Variants in PPP2R2B observed in about 807,000 individuals in gnomAD.
The protein encoded by PPP2R2B is protein phosphatase 2 regulatory subunit Bbeta.
PPP2R2B carries 5 observed loss-of-function variants against 46.0 expected under a neutral mutation model. That is an observed-to-expected ratio of 0.11 (90% CI 0.06 to 0.23). The LOEUF (loss-of-function observed/expected upper bound fraction) is 0.23. Among genes scored for constraint, PPP2R2B ranks in the 10% least tolerant of loss-of-function variants. PPP2R2B has a pLI of 1.00. For missense variants in PPP2R2B, 367 were observed against 575.0 expected, an observed-to-expected ratio of 0.64 and a Z score of 3.70; for synonymous variants, 215 against 206.7, an observed-to-expected ratio of 1.04 and a Z score of -0.34.
chr5:146,935,914 C>T (rs1415703562), intron 1 of PPP2R2B, among the ~76,000 whole-genome samples: 2 of 152,094 alleles, frequency 1.3e-5, no homozygotes, highest in Non-Finnish European at 1.5e-5. Flanking sequence ...GCAAGTTATG[C>T]CACTTCTAAG....
chr5:146,873,673 G>A (rs541615387), intron 2 of PPP2R2B, among the ~76,000 whole-genome samples: 30 of 152,134 alleles, frequency 2.0e-4, no homozygotes, highest in East Asian at 3.9e-4. Flanking sequence ...GTGCGGTGTC[G>A]CGACCTCGGC....
chr5:146,634,018 T>C (rs563124948), intron 7 of PPP2R2B, among the ~76,000 whole-genome samples: 1 of 152,216 alleles, frequency 6.6e-6, no homozygotes, highest in Non-Finnish European at 1.5e-5. Context: ...GTGTGGTTAA[T>C]GTTATGTATT....
chr5:146,703,518 G>A (rs1015959459), intron 2 of PPP2R2B, among the ~76,000 whole-genome samples: 3 of 152,058 alleles, frequency 2.0e-5, no homozygotes, highest in African/African-American at 7.2e-5. Context: ...ACTAAAGATG[G>A]GCCTTTCCTT....
chr5:146,646,950 G>A (rs1235545911), intron 6 of PPP2R2B, among the ~76,000 whole-genome samples: 1 of 152,090 alleles, frequency 6.6e-6, no homozygotes, highest in South Asian at 2.1e-4. Context: ...GATAGATTAA[G>A]AACATGTTAA....
intron 2 of PPP2R2B, among the ~76,000 whole-genome samples, chr5:146,818,505 C>A (rs1395873576): frequency 6.6e-6 from 1 of 152,142 alleles, no homozygotes; most frequent in Non-Finnish European, 1.5e-5. Context: ...AGCCACTGAG[C>A]TCTTCTTGAA....
At chr5:146,971,934 A>ATATT (rs1752680627) in intron 1 of PPP2R2B, among the ~76,000 whole-genome samples, 1 of 152,186 alleles carries the variant, frequency 6.6e-6, no homozygotes, top group Non-Finnish European at 1.5e-5. Context: ...CACTCATCAA[A>ATATT]ACTAAGCAAC....
At chr5:146,863,955 A>G (rs1807880) in intron 2 of PPP2R2B, among the ~76,000 whole-genome samples, 1,717 of 152,282 alleles carry the variant, frequency 0.011, 54 homozygotes, top group East Asian at 0.078. Flanking sequence ...TATGGACAGA[A>G]CAAAAGTGGA....
chr5:146,643,703 T>C (rs1430597544), intron 6 of PPP2R2B, among the ~76,000 whole-genome samples: 2 of 152,172 alleles, frequency 1.3e-5, no homozygotes, highest in African/African-American at 4.8e-5. Context: ...AACTTACTCA[T>C]GTAACCAAAT....
At chr5:146,701,861 C>A (rs1779560093) in intron 2 of PPP2R2B, among the ~76,000 whole-genome samples, 1 of 152,136 alleles carries the variant, frequency 6.6e-6, no homozygotes, top group Non-Finnish European at 1.5e-5. Context: ...GAACTCAGAT[C>A]ACAGATAATT....
chr5:146,946,859 C>T (rs1444165305), intron 1 of PPP2R2B, among the ~76,000 whole-genome samples: 7 of 151,964 alleles, frequency 4.6e-5, no homozygotes, highest in East Asian at 1.9e-4. Flanking sequence ...GCCAATAGGA[C>T]GGGAATTGGG....
intron 5 of PPP2R2B, among the ~76,000 whole-genome samples, chr5:146,685,974 G>T (rs372451824): frequency 2.0e-5 from 3 of 152,036 alleles, no homozygotes; most frequent in South Asian, 4.2e-4. Context: ...AAACATTCCT[G>T]CCCCATGGTC....
intron 6 of PPP2R2B, among the ~76,000 whole-genome samples, chr5:146,638,727 A>C (rs1414722023): frequency 6.6e-6 from 1 of 152,220 alleles, no homozygotes; most frequent in Non-Finnish European, 1.5e-5. Context: ...CAATCAGGCT[A>C]AAATGTACCA....
intron 1 of PPP2R2B, among the ~76,000 whole-genome samples, chr5:146,897,286 T>C (rs1762676475): frequency 6.6e-6 from 1 of 152,036 alleles, no homozygotes; most frequent in Non-Finnish European, 1.5e-5. Flanking sequence ...ATGGAGCGGG[T>C]GTGAAAAGGG....
intron 1 of PPP2R2B, among the ~76,000 whole-genome samples, chr5:146,906,039 C>T (rs1377165483): frequency 6.6e-6 from 1 of 151,990 alleles, no homozygotes; most frequent in African/African-American, 2.4e-5. Context: ...ACAATTTGGA[C>T]ATTTGAACCT....
At chr5:146,922,761 C>T (rs1763651175) in intron 1 of PPP2R2B, among the ~76,000 whole-genome samples, 1 of 152,164 alleles carries the variant, frequency 6.6e-6, no homozygotes, top group South Asian at 2.1e-4. Context: ...ATCAGCACAT[C>T]CCATTGGCTT....
chr5:147,073,405 A>G (rs143212961), intron 2 of PPP2R2B, among the ~76,000 whole-genome samples: 69 of 152,266 alleles, frequency 4.5e-4, no homozygotes, highest in African/African-American at 1.7e-3. Context: ...AAATGCTTTC[A>G]TCTTGCACAA....
At chr5:146,662,815 T>C in intron 5 of PPP2R2B, among the ~76,000 whole-genome samples, 1 of 152,012 alleles carries the variant, frequency 6.6e-6, no homozygotes, top group Non-Finnish European at 1.5e-5. Flanking sequence ...ATTTATGATA[T>C]ACAAAGAGTT....
intron 1 of PPP2R2B, among the ~76,000 whole-genome samples, chr5:147,003,371 C>T (rs1247630227): frequency 2.0e-5 from 3 of 152,114 alleles, no homozygotes; most frequent in Non-Finnish European, 4.4e-5. Context: ...TTTGGCCCAA[C>T]CCAGGTACGT....
chr5:146,686,353 T>C (rs968525421), intron 5 of PPP2R2B, among the ~76,000 whole-genome samples: 9 of 151,976 alleles, frequency 5.9e-5, no homozygotes, highest in Admixed American at 1.3e-4. Context: ...GAATGGGAAA[T>C]GTGGGTGTGC....
Sources: allele counts gnomAD v4.1 joint callset (sites outside exome capture counted in the v4.1 genomes callset), GRCh38; gene constraint gnomAD v4.1.1; transcripts MANE v1.5; gene names NCBI Gene and HGNC (gene_info 2026-07-23, HGNC 2026-07-21).